DISP1: variants seen among roughly 807,000 people sequenced by gnomAD.
DISP1 encodes protein dispatched homolog 1.
In DISP1, 30 loss-of-function variants were observed where a neutral mutation model predicts 37.3. The observed-to-expected ratio is 0.80, with a 90% CI of 0.60 to 1.09. DISP1 has a LOEUF of 1.09. DISP1 is among the 50% of genes least tolerant of loss of function. The probability of loss-of-function intolerance (pLI) is 0.00; values close to 1 mark genes in which losing one functional copy is unlikely to be tolerated. For synonymous variants in DISP1, 634 were observed against 690.2 expected (o/e 0.92, Z 1.28); for missense variants, 1,598 against 1,879.5 (o/e 0.85, Z 2.77).
At chr1:222,898,310 C>T (rs945726687) in intron 1 of DISP1, among the ~76,000 whole-genome samples, 2 of 151,788 alleles carry the variant, frequency 1.3e-5, no homozygotes, top group East Asian at 1.9e-4. Flanking sequence ...ATCATAGAGC[C>T]GATTGTTGGG....
intron 1 of DISP1, among the ~76,000 whole-genome samples, chr1:222,865,506 T>G (rs1377268760): frequency 1.3e-5 from 2 of 152,188 alleles, no homozygotes; most frequent in African/African-American, 2.4e-5. Flanking sequence ...CTTAAAAGCC[T>G]TTCCTGTTTA....
chr1:222,949,137 T>C (rs1675022415), intron 3 of DISP1, among the ~76,000 whole-genome samples: 1 of 152,202 alleles, frequency 6.6e-6, no homozygotes. Flanking sequence ...CTTGAGCTTG[T>C]AATCCCAGAA....
chr1:222,995,069 C>A (rs766053331), intron 8 of DISP1, 87 bp downstream of exon 8: 54 of 1,093,058 alleles, frequency 4.9e-5, no homozygotes, highest in Non-Finnish European at 7.4e-5. Flanking sequence ...GGTTTCTGAT[C>A]AGATGAAAGT....
intron 1 of DISP1, among the ~76,000 whole-genome samples, chr1:222,885,387 TGAAGTACCACAA>T (rs1473060304): frequency 6.6e-6 from 1 of 152,102 alleles, no homozygotes; most frequent in Non-Finnish European, 1.5e-5. Context: ...TTCCATACTT[TGAAGTACCACAA>T]GATATTCCAG....
intron 3 of DISP1, among the ~76,000 whole-genome samples, chr1:222,972,730 C>G (rs1434092101): frequency 6.6e-6 from 1 of 152,124 alleles, no homozygotes; most frequent in Admixed American, 6.5e-5. Flanking sequence ...CCAATATTAT[C>G]TTCCTATTCC....
At chr1:222,958,686 T>A (rs75082168) in intron 3 of DISP1, among the ~76,000 whole-genome samples, 17,545 of 152,166 alleles carry the variant, frequency 0.12, 2,638 homozygotes, top group African/African-American at 0.35. Flanking sequence ...TTTAAAACTC[T>A]TGATTTAAAA....
chr1:222,895,481 C>T (rs774044319), intron 1 of DISP1, among the ~76,000 whole-genome samples: 6 of 152,104 alleles, frequency 3.9e-5, no homozygotes, highest in Non-Finnish European at 7.4e-5. Context: ...CATCATTTTT[C>T]GCAATCTGTG....
At chr1:222,962,218 G>A (rs1355242945) in intron 3 of DISP1, among the ~76,000 whole-genome samples, 1 of 152,082 alleles carries the variant, frequency 6.6e-6, no homozygotes, top group African/African-American at 2.4e-5. Flanking sequence ...TTGGAATACA[G>A]CTAACAAGGG....
intron 3 of DISP1, among the ~76,000 whole-genome samples, chr1:222,960,154 C>T (rs186435191): frequency 3.3e-5 from 5 of 152,284 alleles, no homozygotes; most frequent in Admixed American, 3.3e-4. Context: ...CTCTCCATCC[C>T]AAATCAACAG....
At chr1:222,840,267 A>G (rs1667510648) in intron 1 of DISP1, among the ~76,000 whole-genome samples, 1 of 152,050 alleles carries the variant, frequency 6.6e-6, no homozygotes, top group African/African-American at 2.4e-5. Flanking sequence ...TTTTAGACCG[A>G]GTCTCACTCT....
chr1:222,832,171 T>C (rs1016851628), intron 1 of DISP1, among the ~76,000 whole-genome samples: 1 of 152,100 alleles, frequency 6.6e-6, no homozygotes, highest in Non-Finnish European at 1.5e-5. Context: ...CTTGGGAGGC[T>C]GAGGCAGGAG....
intron 1 of DISP1, among the ~76,000 whole-genome samples, chr1:222,885,918 C>T (rs1345662838): frequency 5.9e-5 from 9 of 151,650 alleles, no homozygotes; most frequent in African/African-American, 2.2e-4. Context: ...GTATTTTCTC[C>T]TACTGAGATT....
intron 1 of DISP1, among the ~76,000 whole-genome samples, chr1:222,886,460 G>C (rs922569902): frequency 2.0e-5 from 3 of 152,186 alleles, no homozygotes; most frequent in African/African-American, 7.2e-5. Context: ...TTCAGATAAA[G>C]CTCCACTGAC....
At chr1:222,876,450 A>G (rs1217990991) in intron 1 of DISP1, among the ~76,000 whole-genome samples, 2 of 152,210 alleles carry the variant, frequency 1.3e-5, no homozygotes, top group African/African-American at 4.8e-5. Flanking sequence ...TCATTCCTAC[A>G]TATGTACAAG....
chr1:222,902,654 A>G (rs563285673), intron 1 of DISP1, among the ~76,000 whole-genome samples: 206 of 152,346 alleles, frequency 1.4e-3, no homozygotes, highest in Middle Eastern at 0.01. Context: ...ATGAACAGAC[A>G]CTTCTCAAAA....
rs1558340372 is a variant in DISP1 at position 222,936,888 on chromosome 1, A to ATATATCATATATATG, written c.-17-5919_-17-5918insTATATCATATATATG. Among the ~76,000 whole-genome samples, 371 of 39,998 alleles carry ATATATCATATATATG rather than the reference A, an allele frequency of 9.3e-3. 10 individuals carry two copies. The highest frequency in any genetic ancestry group is 0.028 in the African/African-American group (358 of 12,728). 26.2% of individuals were successfully genotyped at this position (39,998 alleles called of 152,430 possible). On this transcript the variant is annotated intron_variant, in intron 2 of 8. Coordinates refer to ENST00000675850, the MANE Select transcript of DISP1 (RefSeq NM_001377229.1). ...TATATATCATATATATGATATATAT[A>ATATATCATATATATG]ATATATTATTTATATATAATATATT...
Position 222,942,975 on chromosome 1 carries a change from GTCCAA to G in DISP1, c.153_157del (p.Ser51ArgfsTer7). The G allele has an allele frequency of 6.2e-7, 1 of 1,614,188 alleles. No homozygotes were observed. The highest frequency in any genetic ancestry group is 1.1e-5 in the South Asian group (1 of 91,068). On this transcript the variant is annotated frameshift_variant, in exon 3 of 9. Transcript: ENST00000675850. LOFTEE classifies it high-confidence loss of function. Reference sequence around the variant, plus strand: ...AAAGAAGCAACAAGAACAAAAGTGAGTCCAAATGGATGCCTGCAACTTAATGGCAC... The same window carrying G: ...AAAGAAGCAACAAGAACAAAAGTGAGATGGATGCCTGCAACTTAATGGCAC...
rs1679853609 is a variant in DISP1 at position 223,005,621 on chromosome 1, C to T, written c.4224C>T (p.Asp1408=). ...GATCGTTACTCAAAACGTGTTGCGA[C>T]CCCGAGAATAAACAAAGGGAACTCT... is the stretch of plus-strand genomic sequence containing the variant. ...STGSLLKTCC[D]PENKQRELCK... Residue 1408 remains aspartate, a synonymous_variant, in exon 9 of 9, where the codon GAC becomes GAT. Transcript: ENST00000675850. 2 of 1,613,578 alleles carry T rather than the reference C, an allele frequency of 1.2e-6. No individual in the cohort carries two copies. Among genetic ancestry groups the T allele is most frequent in the South Asian group, 1.1e-5 (1 of 91,028 alleles).
intron 4 of DISP1, among the ~76,000 whole-genome samples, chr1:222,987,634 G>A (rs1339324383): frequency 6.6e-6 from 1 of 152,184 alleles, no homozygotes; most frequent in Non-Finnish European, 1.5e-5. Context: ...CTATACGTGT[G>A]TGCAGATTTT....
Sources: gnomAD v4.1 joint callset for allele counts (sites outside exome capture counted in the v4.1 genomes callset) on GRCh38, gnomAD v4.1.1 for gene constraint, MANE v1.5 for transcripts, NCBI Gene and HGNC (gene_info 2026-07-23, HGNC 2026-07-21) for gene names.